Variants in CADPS2 observed in about 807,000 individuals in gnomAD.
CADPS2 encodes the protein calcium-dependent secretion activator 2.
In CADPS2, 93 loss-of-function variants were observed where a neutral mutation model predicts 172.5. The observed-to-expected ratio is 0.54, with a 90% CI of 0.46 to 0.64. CADPS2 has a LOEUF of 0.64. Ranked by LOEUF, CADPS2 falls within the 30% of genes least tolerant of loss-of-function variation. The pLI, the probability that CADPS2 is intolerant of heterozygous loss-of-function variation, is 0.00. For synonymous variants in CADPS2, 546 were observed against 555.2 expected (o/e 0.98, Z 0.23); for missense variants, 1,420 against 1,565.9 (o/e 0.91, Z 1.57).
intron 1 of CADPS2, among the ~76,000 whole-genome samples, chr7:122,882,206 T>C (rs539272929): frequency 3.3e-5 from 5 of 152,322 alleles, no homozygotes; most frequent in South Asian, 2.1e-4. Flanking sequence ...ATTATTTACA[T>C]ACATTTCTCA....
intron 7 of CADPS2, among the ~76,000 whole-genome samples, chr7:122,577,327 A>G (rs1284866540): frequency 6.6e-6 from 1 of 152,052 alleles, no homozygotes; most frequent in Admixed American, 6.6e-5. Flanking sequence ...TCCCCTGTGT[A>G]CCCCTTTCTG....
intron 1 of CADPS2, among the ~76,000 whole-genome samples, chr7:122,756,553 C>A (rs2093169168): frequency 6.6e-6 from 1 of 152,128 alleles, no homozygotes; most frequent in African/African-American, 2.4e-5. Flanking sequence ...TTTCCAAATA[C>A]TCTGATGTTA....
chr7:122,369,874 G>A (rs2041540677), intron 25 of CADPS2: 1 of 152,166 alleles, frequency 6.6e-6, no homozygotes, highest in South Asian at 2.1e-4. Flanking sequence ...TTTGCTACAG[G>A]CAGTCAGATG....
chr7:122,331,809 T>C (rs2150818986), intron 28 of CADPS2: 1 of 152,306 alleles, frequency 6.6e-6, no homozygotes. Flanking sequence ...ATACAATGAG[T>C]ATGACTTAAG....
chr7:122,346,612 C>A (rs997768030), intron 27 of CADPS2, among the ~76,000 whole-genome samples: 2 of 152,058 alleles, frequency 1.3e-5, no homozygotes, highest in African/African-American at 4.8e-5. Flanking sequence ...AATTTATTTT[C>A]TTTTAGAAAT....
intron 9 of CADPS2, among the ~76,000 whole-genome samples, chr7:122,499,140 C>T (rs2058995131): frequency 6.6e-6 from 1 of 152,208 alleles, no homozygotes; most frequent in Non-Finnish European, 1.5e-5. Context: ...GGTTAATTTT[C>T]CTGCATATTC....
At chr7:122,809,846 G>C (rs1012340877) in intron 1 of CADPS2, among the ~76,000 whole-genome samples, 1 of 152,096 alleles carries the variant, frequency 6.6e-6, no homozygotes, top group African/African-American at 2.4e-5. Flanking sequence ...CAACTCTAAA[G>C]ACAACAGATT....
At chr7:122,570,086 T>C (rs918134004) in intron 7 of CADPS2, among the ~76,000 whole-genome samples, 3 of 148,432 alleles carry the variant, frequency 2.0e-5, no homozygotes, top group Non-Finnish European at 3.0e-5. Context: ...ACCATCAGAG[T>C]GAACAGGCAA....
chr7:122,454,671 A>G (rs756381732), intron 14 of CADPS2, among the ~76,000 whole-genome samples: 16 of 152,248 alleles, frequency 1.1e-4, no homozygotes, highest in Non-Finnish European at 1.9e-4. Context: ...TCTTTCATAC[A>G]TTCTAAAGTA....
intron 2 of CADPS2, among the ~76,000 whole-genome samples, chr7:122,685,808 A>G (rs2083548859): frequency 6.6e-6 from 1 of 152,246 alleles, no homozygotes; most frequent in Non-Finnish European, 1.5e-5. Context: ...TGAACCTGCC[A>G]TATGGGTAAG....
intron 1 of CADPS2, among the ~76,000 whole-genome samples, chr7:122,857,403 A>G (rs1164862261): frequency 3.9e-5 from 6 of 152,226 alleles, no homozygotes; most frequent in African/African-American, 9.6e-5. Context: ...TGAAAAAGTA[A>G]AAGAGAAATT....
chr7:122,709,841 G>C (rs545089092), intron 2 of CADPS2, among the ~76,000 whole-genome samples: 2 of 151,892 alleles, frequency 1.3e-5, no homozygotes, highest in East Asian at 3.9e-4. Flanking sequence ...CTCACTCATA[G>C]ATGGGAATTG....
rs186863860 is a variant in CADPS2, at chr7:122,348,381, C to T, written c.3505-2700G>A. Among the ~76,000 whole-genome samples, 535 of 152,222 alleles carry T rather than the reference C, an allele frequency of 3.5e-3. 3 individuals carry two copies. Among genetic ancestry groups the T allele is most frequent in the Middle Eastern group, 0.01 (3 of 294 alleles). On this transcript the variant is annotated intron_variant, in intron 27 of 29. Transcript: ENST00000449022. ...TTTACAGTTTAAGCCTGAAAGAAAA[C>T]GAAATGCTTTTCCTATTGGCAGATC...
At chr7:122,608,213 TA>T (rs59329850) in intron 6 of CADPS2, among the ~76,000 whole-genome samples, 2,495 of 140,500 alleles carry the variant, frequency 0.018, 48 homozygotes, top group African/African-American at 0.05. Context: ...AGACTCCGTC[TA>T]AAAAAAAAAA....
intron 2 of CADPS2, among the ~76,000 whole-genome samples, chr7:122,708,952 T>C (rs2088154599): frequency 6.6e-6 from 1 of 152,026 alleles, no homozygotes; most frequent in Admixed American, 6.6e-5. Flanking sequence ...GTATAATTAT[T>C]ATCTTTGAGC....
At chr7:122,421,151 A>G (rs1208768280) in intron 17 of CADPS2, 2 of 152,190 alleles carry the variant, frequency 1.3e-5, no homozygotes, top group African/African-American at 2.4e-5. Context: ...TCCGTATATG[A>G]TATGTAGTAA....
Position 122,720,416 on chromosome 7 carries a change from G to A in CADPS2, c.453+16539C>T, listed in dbSNP as rs140726835. ...AAGCATAAAAGATAACTTAATAGAG[G>A]TTTGTATATATATATACATATATAT... On this transcript the variant is annotated intron_variant, in intron 2 of 29. Transcript: ENST00000449022. Among the ~76,000 whole-genome samples, 186 of 149,444 alleles carry A rather than the reference G, an allele frequency of 1.2e-3. 4 individuals carry two copies. The South Asian group carries it at 0.038, about 30-fold the overall frequency.
intron 1 of CADPS2, among the ~76,000 whole-genome samples, chr7:122,876,841 C>A (rs1821342239): frequency 6.6e-6 from 1 of 151,588 alleles, no homozygotes; most frequent in East Asian, 1.9e-4. Context: ...AAGCAATAGG[C>A]TAAAAAAAAC....
rs1563070412 is a variant in CADPS2, at chr7:122,809,409, AAAAAAAAAAAG to A, written c.340-72352_340-72342del. Reference sequence around the variant, plus strand: ...ATGGTGAAACCCCATCTCTACTAAAAAAAAAAAAAAGAAAAAAAAAATTTAGGCAGGCATGG... The same window carrying A: ...ATGGTGAAACCCCATCTCTACTAAAAAAAAAAAAAATTTAGGCAGGCATGG... On this transcript the variant is annotated intron_variant, in intron 1 of 29. Transcript: ENST00000449022. Among the ~76,000 whole-genome samples, 35 of 146,108 alleles carry A rather than the reference AAAAAAAAAAAG, an allele frequency of 2.4e-4. No homozygotes were observed. The South Asian group carries it at 7.4e-3, about 31-fold the overall frequency.
Sources: gnomAD v4.1 joint callset for allele counts (sites outside exome capture counted in the v4.1 genomes callset) on GRCh38, gnomAD v4.1.1 for gene constraint, MANE v1.5 for transcripts, NCBI Gene and HGNC (gene_info 2026-07-23, HGNC 2026-07-21) for gene names.